PRLR: variants seen among roughly 807,000 people sequenced by gnomAD.
The protein encoded by PRLR is prolactin receptor, also known as hPRL receptor.
In PRLR, 13 loss-of-function variants were observed where a neutral mutation model predicts 40.2. That is an observed-to-expected ratio of 0.32 (90% CI 0.21 to 0.51). PRLR has a LOEUF of 0.51. PRLR is among the 20% of genes least tolerant of loss of function. The pLI is 0.97. For missense variants in PRLR, 656 were observed against 747.3 expected, an observed-to-expected ratio of 0.88 and a Z score of 1.42; for synonymous variants, 269 against 278.7, an observed-to-expected ratio of 0.97 and a Z score of 0.35.
At chr5:35,093,201 G>A (rs1579629256) in intron 2 of PRLR, among the ~76,000 whole-genome samples, 1 of 152,162 alleles carries the variant, frequency 6.6e-6, no homozygotes, top group Admixed American at 6.5e-5. Context: ...ACACTCCCAT[G>A]GCCTGGGCTG....
intron 1 of PRLR, among the ~76,000 whole-genome samples, chr5:35,214,597 G>A (rs894777523): frequency 2.6e-5 from 4 of 152,122 alleles, no homozygotes; most frequent in Admixed American, 2.0e-4. Context: ...AAACTTCCCT[G>A]GATCACCCAA....
intron 1 of PRLR, among the ~76,000 whole-genome samples, chr5:35,119,384 T>TCA (rs567644859): frequency 0.036 from 5,207 of 143,000 alleles, 93 homozygotes; most frequent in Non-Finnish European, 0.045. Flanking sequence ...TCTCTCTCTC[T>TCA]CTCACACACA....
intron 9 of PRLR, among the ~76,000 whole-genome samples, chr5:35,066,486 C>T (rs556854669): frequency 6.6e-6 from 1 of 152,224 alleles, no homozygotes; most frequent in South Asian, 2.1e-4. Context: ...CTGCTAACTT[C>T]CTCTATCACT....
intron 6 of PRLR, 86 bp from the exon 7 acceptor site, chr5:35,070,351 G>C: frequency 7.0e-7 from 1 of 1,422,366 alleles, no homozygotes; most frequent in Non-Finnish European, 9.8e-7. Flanking sequence ...AACTAAGTTA[G>C]GCTGAACAAT....
chr5:35,085,538 T>C (rs958045416), intron 4 of PRLR, among the ~76,000 whole-genome samples: 4 of 152,318 alleles, frequency 2.6e-5, no homozygotes, highest in African/African-American at 7.2e-5. Flanking sequence ...TTCTAGGAGA[T>C]GGTGGCTCTT....
In PRLR at chr5:35,059,846, T is replaced by C. The variant is rs1257715892; in HGVS notation, c.*5243A>G. ...TAGTCATCGAAGTAACTTGGGTTTATTTATTGAGACAAGGTCTTGCTCTCT... is the reference window on the plus strand; with the variant it reads ...TAGTCATCGAAGTAACTTGGGTTTACTTATTGAGACAAGGTCTTGCTCTCT... On this transcript the variant is annotated 3_prime_UTR_variant, in exon 10 of 10. Coordinates refer to ENST00000618457, the MANE Select transcript of PRLR (RefSeq NM_000949.7). 6.6e-6 allele frequency: 1 copy of C among 152,202 alleles called. No homozygotes were observed. Among genetic ancestry groups the C allele is most frequent in the Admixed American group, 6.5e-5 (1 of 15,276 alleles). The allele number at this position is 152,202 out of a possible 1,614,324, so 9.4% of individuals were successfully genotyped here. A position where few individuals can be genotyped will look rare whatever the true frequency, so the allele number is the denominator to read the frequency against.
intron 1 of PRLR, among the ~76,000 whole-genome samples, chr5:35,201,352 G>A (rs894707413): frequency 6.6e-6 from 1 of 152,158 alleles, no homozygotes; most frequent in Non-Finnish European, 1.5e-5. Context: ...GTGATGTTGT[G>A]AGAGTACGTT....
At chr5:35,117,669 T>C (rs1272636442) in intron 2 of PRLR, among the ~76,000 whole-genome samples, 1 of 152,210 alleles carries the variant, frequency 6.6e-6, no homozygotes, top group African/African-American at 2.4e-5. Context: ...AGAATTTATG[T>C]AGAGTTGCTT....
At chr5:35,220,917 T>C (rs1213159860) in intron 1 of PRLR, among the ~76,000 whole-genome samples, 1 of 152,220 alleles carries the variant, frequency 6.6e-6, no homozygotes, top group African/African-American at 2.4e-5. Flanking sequence ...GATCGGTGTA[T>C]CAGACTTGGC....
At chr5:35,150,526 T>A (rs1234758671) in intron 1 of PRLR, among the ~76,000 whole-genome samples, 3 of 152,220 alleles carry the variant, frequency 2.0e-5, no homozygotes, top group Non-Finnish European at 2.9e-5. Flanking sequence ...CTAAGATGGA[T>A]TAAAATGATT....
chr5:35,099,987 C>A (rs1229431841), intron 2 of PRLR, among the ~76,000 whole-genome samples: 1 of 151,638 alleles, frequency 6.6e-6, no homozygotes, highest in Non-Finnish European at 1.5e-5. Flanking sequence ...CTAGCCTGGC[C>A]AACATGGTGA....
chr5:35,099,708 A>G (rs1418584749), intron 2 of PRLR, among the ~76,000 whole-genome samples: 1 of 152,224 alleles, frequency 6.6e-6, no homozygotes, highest in Non-Finnish European at 1.5e-5. Flanking sequence ...TCCAGACACT[A>G]TGTAGTTCTA....
intron 1 of PRLR, among the ~76,000 whole-genome samples, chr5:35,202,535 C>G (rs1775910037): frequency 1.3e-5 from 2 of 152,158 alleles, no homozygotes; most frequent in Admixed American, 6.6e-5. Context: ...AACTGCTCCC[C>G]CTTCTGGCCA....
intron 1 of PRLR, among the ~76,000 whole-genome samples, chr5:35,229,681 AC>A (rs1433978856): frequency 1.3e-5 from 2 of 151,490 alleles, no homozygotes; most frequent in African/African-American, 2.4e-5. Context: ...ATCTGCCCCT[AC>A]CCCCGCTGAC....
chr5:35,071,240 G>A (rs1769728494), intron 6 of PRLR, among the ~76,000 whole-genome samples: 1 of 152,192 alleles, frequency 6.6e-6, no homozygotes, highest in South Asian at 2.1e-4. Flanking sequence ...ACAAAGAACT[G>A]ATCAGAGAAA....
intron 2 of PRLR, among the ~76,000 whole-genome samples, chr5:35,102,854 T>C (rs1161775671): frequency 6.6e-6 from 1 of 152,094 alleles, no homozygotes; most frequent in Non-Finnish European, 1.5e-5. Flanking sequence ...TTTTCTTTTT[T>C]AATGTCTTTT....
chr5:35,214,793 A>T (rs1399230915), intron 1 of PRLR, among the ~76,000 whole-genome samples: 1 of 152,212 alleles, frequency 6.6e-6, no homozygotes, highest in Non-Finnish European at 1.5e-5. Context: ...AAGAATTTAG[A>T]TTATAGTTTA....
chr5:35,158,616 G>A (rs541478580), intron 1 of PRLR, among the ~76,000 whole-genome samples: 14 of 152,108 alleles, frequency 9.2e-5, no homozygotes, highest in Non-Finnish European at 5.9e-5. Context: ...TTGCTGGCAC[G>A]TATTGAGAGT....
intron 1 of PRLR, among the ~76,000 whole-genome samples, chr5:35,201,352 G>T (rs894707413): frequency 6.6e-6 from 1 of 152,158 alleles, no homozygotes; most frequent in Admixed American, 6.5e-5. Flanking sequence ...GTGATGTTGT[G>T]AGAGTACGTT....
Sources: gnomAD v4.1 joint callset for allele counts (sites outside exome capture counted in the v4.1 genomes callset) on GRCh38, gnomAD v4.1.1 for gene constraint, MANE v1.5 for transcripts, NCBI Gene and HGNC (gene_info 2026-07-23, HGNC 2026-07-21) for gene names.